The following DNPEP variants were observed in gnomAD, a reference collection of about 807,000 sequenced individuals.
The protein encoded by DNPEP is aspartyl aminopeptidase.
Under a neutral mutation model 59.1 loss-of-function variants are expected in DNPEP, and 46 were observed. The observed-to-expected ratio is 0.78, with a 90% CI of 0.61 to 0.99. The LOEUF (loss-of-function observed/expected upper bound fraction) is 0.99, where lower values mean the gene tolerates loss of function less well. DNPEP is among the 50% of genes least tolerant of loss of function. The probability of loss-of-function intolerance (pLI) is 0.00; values close to 1 mark genes in which losing one functional copy is unlikely to be tolerated. For missense variants in DNPEP, 617 were observed against 649.9 expected, an observed-to-expected ratio of 0.95 and a Z score of 0.55; for synonymous variants, 229 against 242.2, an observed-to-expected ratio of 0.95 and a Z score of 0.50.
chr2:219,394,844 A>G (rs537072842), intron 1 of DNPEP, among the ~76,000 whole-genome samples: 3 of 152,138 alleles, frequency 2.0e-5, no homozygotes, highest in Middle Eastern at 6.8e-3. Context: ...CCCCAAACCT[A>G]TTCCATCCAC....
At chr2:219,388,257 C>G (rs1369776245), upstream of DNPEP, among the ~76,000 whole-genome samples, 1 of 144,710 alleles carries the variant, frequency 6.9e-6, no homozygotes, top group Non-Finnish European at 1.5e-5. Flanking sequence ...AGGTTTCCCC[C>G]ATCCGCTCCG....
At chr2:219,387,972 G>A (rs1318915201), upstream of DNPEP, 7 of 1,158,120 alleles carry the variant, frequency 6.0e-6, no homozygotes, top group African/African-American at 9.7e-5. Flanking sequence ...CCGCCCCTCG[G>A]CATCCGCCCC....
chr2:219,384,473 T>C lies in DNPEP; in HGVS notation c.775-30A>G, dbSNP rs370318556. On this transcript the variant is annotated intron_variant, in intron 8 of 14. Coordinates refer to ENST00000273075, the MANE Select transcript of DNPEP (RefSeq NM_012100.4). Reference sequence around the variant, plus strand: ...AGAGGTAAGACAGTCAGCCCGACCTTCAACCCTCCACCCCCACTCACCTTT... The same window carrying C: ...AGAGGTAAGACAGTCAGCCCGACCTCCAACCCTCCACCCCCACTCACCTTT... 56 of 1,579,796 alleles carry C rather than the reference T, an allele frequency of 3.5e-5. No individual in the cohort carries two copies. In the African/African-American group the frequency reaches 7.2e-4, roughly 20 times the overall value.
intron 8 of DNPEP, chr2:219,385,218 A>G: frequency 1.9e-6 from 1 of 516,502 alleles, no homozygotes; most frequent in Non-Finnish European, 3.5e-6. Context: ...ATTCCCAGAT[A>G]GTCCTAGTGG....
rs962516788 is a variant in DNPEP, at chr2:219,372,339, G to A, written c.*1953C>T. On this transcript the variant is annotated 3_prime_UTR_variant, in exon 15 of 15. Transcript: ENST00000273075. ...TTTTTCTATACATGTATACATCTAC[G>A]TGCATATTTATATACACATAAAAAT... is the stretch of plus-strand genomic sequence containing the variant. Among the ~76,000 whole-genome samples the A allele has an allele frequency of 7.2e-5, 11 of 151,904 alleles. No individual in the cohort carries two copies. The highest frequency in any genetic ancestry group is 1.3e-4 in the Non-Finnish European group (9 of 68,002).
intron 3 of DNPEP, 50 bp downstream of exon 3, chr2:219,386,841 TG>T: frequency 6.2e-7 from 1 of 1,610,784 alleles, no homozygotes; most frequent in Non-Finnish European, 8.5e-7. Context: ...ACACAGGGCT[TG>T]GAGACCAGCC....
At chr2:219,391,266 G>A (rs778407558), upstream of DNPEP, among the ~76,000 whole-genome samples, 8 of 152,048 alleles carry the variant, frequency 5.3e-5, no homozygotes, top group African/African-American at 1.4e-4. Flanking sequence ...AGCCTCTTTC[G>A]TCGGCTTTTC....
chr2:219,384,229 AT>A (rs1953715942), intron 9 of DNPEP, 136 bp downstream of exon 9: 1 of 803,752 alleles, frequency 1.2e-6, no homozygotes, highest in Admixed American at 2.6e-5. Flanking sequence ...CTCCTGGTCC[AT>A]CCAGCACCAG....
rs1383401866 is a variant in DNPEP at position 219,373,368 on chromosome 2, T to C, written c.*924A>G. Among the ~76,000 whole-genome samples the C allele has an allele frequency of 6.6e-6, 1 of 151,926 alleles. No individual in the cohort carries two copies. The highest frequency in any genetic ancestry group is 1.5e-5 in the Non-Finnish European group (1 of 67,996). On this transcript the variant is annotated 3_prime_UTR_variant, in exon 15 of 15. Coordinates refer to ENST00000273075, the MANE Select transcript of DNPEP (RefSeq NM_012100.4). ...CAGGCATGACCCATCACGCCTGGCCTTTTTTCTCTGAGACAGAGCCTTGCT... is the reference window on the plus strand; with the variant it reads ...CAGGCATGACCCATCACGCCTGGCCCTTTTTCTCTGAGACAGAGCCTTGCT...
chr2:219,381,474 C>T (rs1330132573), intron 12 of DNPEP, 38 bp from the exon 13 acceptor site: 4 of 1,613,676 alleles, frequency 2.5e-6, no homozygotes, highest in Non-Finnish European at 3.4e-6. Flanking sequence ...TAATGACAGG[C>T]CCAAAGGGAA....
At chr2:219,387,539 A>AC in intron 1 of DNPEP, 2 of 1,440,694 alleles carry the variant, frequency 1.4e-6, no homozygotes, top group Non-Finnish European at 1.8e-6. Flanking sequence ...AAAGCCCTGT[A>AC]CCCCAAGGAG....
At chr2:219,391,953 A>G (rs140556139), upstream of DNPEP, among the ~76,000 whole-genome samples, 777 of 152,262 alleles carry the variant, frequency 5.1e-3, 9 homozygotes, top group African/African-American at 0.017. Context: ...AAAAAAAGCA[A>G]TTTCTAGAAT....
Position 219,383,196 on chromosome 2 carries a change from C to T in DNPEP, c.871G>A (p.Ala291Thr), listed in dbSNP as rs188238123. The T allele has an allele frequency of 7.3e-4, 1,178 of 1,614,156 alleles. 8 individuals are homozygous for T. The African/African-American group carries it at 0.014, about 19-fold the overall frequency. ...CALQALIDSCAGPGSLATEPH... is the reference protein window; with the variant it reads ...CALQALIDSCTGPGSLATEPH... ...TCTGTGGCCAGGGAGCCAGGGCCTG[C>T]ACAGGAATCTATCAAGGCCTGGTTC... Residue 291 changes from alanine to threonine, a missense_variant, in exon 10 of 15, where the codon GCA becomes ACA. Physicochemically the swap from Ala to Thr is moderately conservative, Grantham distance 58. Transcript: ENST00000273075.
intron 10 of DNPEP, among the ~76,000 whole-genome samples, chr2:219,382,666 G>A (rs1490348571): frequency 2.0e-5 from 3 of 152,106 alleles, no homozygotes; most frequent in African/African-American, 7.2e-5. Flanking sequence ...TAGACATGAT[G>A]GCCAGAGCTG....
At chr2:219,375,109 A>C in intron 13 of DNPEP, 87 bp from the exon 14 acceptor site, 11 of 1,440,036 alleles carry the variant, frequency 7.6e-6, no homozygotes, top group Non-Finnish European at 1.1e-5. Context: ...GCAGGGTGGG[A>C]AGGGGCCTGG....
chr2:219,398,987 G>C (rs1016116823), intron 1 of DNPEP, among the ~76,000 whole-genome samples: 2 of 152,250 alleles, frequency 1.3e-5, no homozygotes, highest in African/African-American at 4.8e-5. Context: ...TTATTTTAGT[G>C]AACAGGGCTG....
In DNPEP at chr2:219,386,363, C is replaced by T. The variant is rs761729996; in HGVS notation, c.382G>A (p.Val128Met). The T allele has an allele frequency of 6.2e-7, 1 of 1,614,252 alleles. No individual in the cohort carries two copies. Among genetic ancestry groups the T allele is most frequent in the Non-Finnish European group, 8.5e-7 (1 of 1,180,048 alleles). ...CAGATCCCACCACCATAGGTCTCCA[C>T]ACCGACTTGCTGGAAGCCCACCTGG... ...RSQVGFQQVG[V>M]ETYGGGIWST... The change falls in exon 5 of 15, where the codon GTG becomes ATG. Residue 128 changes from valine (V) to methionine (M), a missense_variant. Coordinates refer to ENST00000273075, the MANE Select transcript of DNPEP (RefSeq NM_012100.4).
At chr2:219,388,636 G>T, upstream of DNPEP, 1 of 957,118 alleles carries the variant, frequency 1.0e-6, no homozygotes, top group Non-Finnish European at 1.2e-6. Flanking sequence ...TAGGACAGCC[G>T]CGGACGGCCC....
At chr2:219,380,680 A>G (rs955862212) in intron 13 of DNPEP, among the ~76,000 whole-genome samples, 1 of 152,132 alleles carries the variant, frequency 6.6e-6, no homozygotes, top group Non-Finnish European at 1.5e-5. Flanking sequence ...GTTTGTGTAC[A>G]TATACTCCAT....
Sources: gnomAD v4.1 joint callset for allele counts (sites outside exome capture counted in the v4.1 genomes callset) on GRCh38, gnomAD v4.1.1 for gene constraint, MANE v1.5 for transcripts, NCBI Gene and HGNC (gene_info 2026-07-23, HGNC 2026-07-21) for gene names.